DTNB: variants seen among roughly 807,000 people sequenced by gnomAD.
DTNB encodes the protein dystrobrevin beta, also known as DTN-B.
A neutral mutation model predicts 90.7 loss-of-function variants in DTNB; 63 were observed. The observed-to-expected ratio is 0.69, with a 90% CI of 0.57 to 0.86. The LOEUF (loss-of-function observed/expected upper bound fraction) is 0.86, where lower values mean the gene tolerates loss of function less well. DTNB is among the 40% of genes least tolerant of loss of function. The pLI, the probability that DTNB is intolerant of heterozygous loss-of-function variation, is 0.00. For missense variants in DTNB, 744 were observed against 807.1 expected (o/e 0.92, Z 0.95); for synonymous variants, 277 against 286.7 (o/e 0.97, Z 0.34).
intron 8 of DTNB, among the ~76,000 whole-genome samples, chr2:25,559,950 G>A (rs965252301): frequency 1.3e-5 from 2 of 152,224 alleles, no homozygotes; most frequent in African/African-American, 4.8e-5. Context: ...GATGTTCAAT[G>A]TACGTGTCAA....
At chr2:25,540,513 G>A (rs1323027946) in intron 8 of DTNB, among the ~76,000 whole-genome samples, 1 of 152,006 alleles carries the variant, frequency 6.6e-6, no homozygotes, top group Admixed American at 6.6e-5. Flanking sequence ...GGGTCTCGCT[G>A]TTGCCCAGGC....
intron 16 of DTNB, among the ~76,000 whole-genome samples, chr2:25,394,117 A>G (rs921663688): frequency 6.6e-6 from 1 of 152,192 alleles, no homozygotes; most frequent in African/African-American, 2.4e-5. Flanking sequence ...CTGATCTTTG[A>G]CAAAGCAAAC....
intron 16 of DTNB, among the ~76,000 whole-genome samples, chr2:25,409,489 T>C (rs187040636): frequency 8.1e-4 from 124 of 152,340 alleles, no homozygotes; most frequent in African/African-American, 2.8e-3. Context: ...AGTCCATTCA[T>C]GTGTAATTCA....
At position 25,628,340 on chromosome 2, in the gene DTNB, T is replaced by A. The variant is rs1218180303; in HGVS notation, c.193A>T (p.Asn65Tyr). ...IWNMIEAFRD[N>Y]GLNTLDHTTE... is the part of the protein sequence containing the mutation. ...GTATGGTCCAGTGTATTAAGGCCAT[T>A]GTCTCGGAAGGCTTCAATCATGTTC... The change falls in exon 4 of 21, where the codon AAT (asparagine) becomes TAT (tyrosine). Residue 65 changes from asparagine (N) to tyrosine (Y), a missense_variant. Transcript: ENST00000406818. 6.2e-7 allele frequency: 1 copy of A among 1,613,546 alleles called. No individual in the cohort carries two copies. Among genetic ancestry groups the A allele is most frequent in the Admixed American group, 1.7e-5 (1 of 59,982 alleles).
chr2:25,632,511 G>A (rs1462270006), intron 3 of DTNB, among the ~76,000 whole-genome samples: 1 of 152,158 alleles, frequency 6.6e-6, no homozygotes, highest in Non-Finnish European at 1.5e-5. Context: ...ATTGAGTCAT[G>A]AGGGCTCTGC....
At chr2:25,661,342 G>A (rs986434320) in intron 1 of DTNB, among the ~76,000 whole-genome samples, 6 of 152,118 alleles carry the variant, frequency 3.9e-5, no homozygotes, top group Admixed American at 3.3e-4. Flanking sequence ...TGTACAAACC[G>A]GTAAGAAAAT....
chr2:25,575,127 C>G (rs1046744503), intron 8 of DTNB, among the ~76,000 whole-genome samples: 1 of 151,736 alleles, frequency 6.6e-6, no homozygotes, highest in African/African-American at 2.4e-5. Flanking sequence ...TCTCTTAGCC[C>G]CAACATCCGG....
chr2:25,558,388 A>C (rs2057717069), intron 8 of DTNB: 4 of 985,456 alleles, frequency 4.1e-6, no homozygotes, highest in Non-Finnish European at 4.8e-6. Flanking sequence ...TGCACTCTCC[A>C]GTGCAGCTCT....
chr2:25,635,636 C>T (rs1382222174), intron 3 of DTNB, among the ~76,000 whole-genome samples: 1 of 151,740 alleles, frequency 6.6e-6, no homozygotes, highest in Admixed American at 6.6e-5. Flanking sequence ...CAGGACTGTA[C>T]AGTAAAAGAG....
chr2:25,392,093 T>C, intron 16 of DTNB, among the ~76,000 whole-genome samples: 1 of 151,678 alleles, frequency 6.6e-6, no homozygotes, highest in Admixed American at 6.6e-5. Flanking sequence ...CTGAAACACA[T>C]ACACACAAAA....
At chr2:25,454,596 G>C (rs371913958) in intron 11 of DTNB, among the ~76,000 whole-genome samples, 1 of 152,180 alleles carries the variant, frequency 6.6e-6, no homozygotes, top group South Asian at 2.1e-4. Flanking sequence ...ATGGTGGTGG[G>C]TGTGGGCATG....
chr2:25,628,986 C>T (rs1310879719), intron 3 of DTNB, among the ~76,000 whole-genome samples: 3 of 152,056 alleles, frequency 2.0e-5, no homozygotes, highest in Non-Finnish European at 4.4e-5. Context: ...ATAAAGTAGG[C>T]GCGGTAGCTG....
Position 25,538,782 on chromosome 2 carries a change from AATACCTACCTACCCACT to A in DTNB, c.877-7202_877-7186del, listed in dbSNP as rs528103595. Reference sequence around the variant, plus strand: ...GTACAGTTTTAAAAGTTATAAAACAAATACCTACCTACCCACTATTCTGCCTGTGAAATAGAACATTA... The same window carrying A: ...GTACAGTTTTAAAAGTTATAAAACAAATTCTGCCTGTGAAATAGAACATTA... On this transcript the variant is annotated intron_variant, in intron 8 of 20. Transcript: ENST00000406818. Among the ~76,000 whole-genome samples, 13 of 151,224 alleles carry A rather than the reference AATACCTACCTACCCACT, an allele frequency of 8.6e-5. No homozygotes were observed. In the South Asian group the frequency reaches 2.7e-3, roughly 31 times the overall value.
At chr2:25,471,147 C>A (rs1473878576) in intron 10 of DTNB, among the ~76,000 whole-genome samples, 1 of 152,118 alleles carries the variant, frequency 6.6e-6, no homozygotes, top group Non-Finnish European at 1.5e-5. Context: ...CCCATGAGGG[C>A]GTGTGAGAGA....
intron 4 of DTNB, among the ~76,000 whole-genome samples, chr2:25,618,353 C>A (rs890114373): frequency 6.6e-6 from 1 of 152,154 alleles, no homozygotes; most frequent in Non-Finnish European, 1.5e-5. Context: ...CATTCTTGAT[C>A]CTTCCCACGA....
intron 9 of DTNB, among the ~76,000 whole-genome samples, chr2:25,492,268 A>G (rs895930232): frequency 2.0e-5 from 3 of 152,204 alleles, no homozygotes; most frequent in Non-Finnish European, 4.4e-5. Flanking sequence ...AGAGCTTAAC[A>G]GGATTAACTT....
At chr2:25,617,097 A>G (rs1183428534) in intron 4 of DTNB, among the ~76,000 whole-genome samples, 1 of 152,140 alleles carries the variant, frequency 6.6e-6, no homozygotes, top group Non-Finnish European at 1.5e-5. Context: ...TCTCCCACCC[A>G]ACAAACTACG....
intron 2 of DTNB, among the ~76,000 whole-genome samples, chr2:25,644,222 G>C (rs1279633585): frequency 6.6e-6 from 1 of 151,966 alleles, no homozygotes; most frequent in Non-Finnish European, 1.5e-5. Flanking sequence ...TTCACTTTAC[G>C]GACGCACTGA....
chr2:25,650,708 C>A (rs2080723890), intron 2 of DTNB, among the ~76,000 whole-genome samples: 1 of 152,178 alleles, frequency 6.6e-6, no homozygotes. Flanking sequence ...GGCCTGTAAT[C>A]CCAGCATTTT....
Sources: gnomAD v4.1 joint callset for allele counts (sites outside exome capture counted in the v4.1 genomes callset) on GRCh38, gnomAD v4.1.1 for gene constraint, MANE v1.5 for transcripts, NCBI Gene and HGNC (gene_info 2026-07-23, HGNC 2026-07-21) for gene names.